MICU3: variants seen among roughly 807,000 people sequenced by gnomAD.
MICU3 encodes the protein mitochondrial calcium uptake 3, also known as calcium uptake protein 3, mitochondrial.
Under a neutral mutation model 66.5 loss-of-function variants are expected in MICU3, and 62 were observed. The ratio of observed to expected loss-of-function variants is 0.93; its 90% CI spans 0.76 to 1.15. The LOEUF is 1.15. Among genes scored for constraint, MICU3 ranks in the 50% most tolerant of loss-of-function variants. MICU3 has a pLI of 0.00. For missense variants in MICU3, 779 were observed against 664.4 expected (o/e 1.17, Z -1.90); for synonymous variants, 308 against 240.7 (o/e 1.28, Z -2.59).
chr8:17,097,660 C>T (rs548410479), intron 8 of MICU3, among the ~76,000 whole-genome samples: 1 of 151,824 alleles, frequency 6.6e-6, no homozygotes, highest in East Asian at 1.9e-4. Context: ...CTCACATTAA[C>T]CAAAAGACCA....
intron 8 of MICU3, among the ~76,000 whole-genome samples, chr8:17,091,900 A>G (rs1380899324): frequency 6.6e-6 from 1 of 151,962 alleles, no homozygotes; most frequent in Non-Finnish European, 1.5e-5. Context: ...GTTTTTTAAG[A>G]TGGAGTTTTG....
chr8:17,035,472 C>T (rs1012973651), intron 1 of MICU3, among the ~76,000 whole-genome samples: 18 of 152,118 alleles, frequency 1.2e-4, no homozygotes, highest in Non-Finnish European at 1.9e-4. Context: ...ACAGTAAAGT[C>T]CAGGCTGAGT....
At chr8:17,059,785 A>G (rs1335154797) in intron 1 of MICU3, among the ~76,000 whole-genome samples, 3 of 152,176 alleles carry the variant, frequency 2.0e-5, no homozygotes, top group Non-Finnish European at 4.4e-5. Context: ...ATCTACCAAA[A>G]AAAATTTAAA....
intron 2 of MICU3, among the ~76,000 whole-genome samples, chr8:17,067,339 C>T (rs1193731550): frequency 6.6e-6 from 1 of 151,858 alleles, no homozygotes; most frequent in Non-Finnish European, 1.5e-5. Flanking sequence ...TCTTGAAGAT[C>T]GAATGAATTA....
At chr8:17,071,933 C>T (rs1301410489) in intron 3 of MICU3, among the ~76,000 whole-genome samples, 2 of 152,088 alleles carry the variant, frequency 1.3e-5, no homozygotes, top group African/African-American at 4.8e-5. Context: ...CATGTTCATA[C>T]TGGTAATAAG....
At chr8:17,089,460 T>C (rs1295964828) in intron 7 of MICU3, among the ~76,000 whole-genome samples, 1 of 152,130 alleles carries the variant, frequency 6.6e-6, no homozygotes, top group Non-Finnish European at 1.5e-5. Context: ...TTATGTAAAA[T>C]GTAAGGTGAT....
intron 2 of MICU3, among the ~76,000 whole-genome samples, chr8:17,066,535 A>AGG (rs1818723537): frequency 8.0e-6 from 1 of 124,364 alleles, no homozygotes; most frequent in Admixed American, 8.3e-5. Flanking sequence ...ATATATATAT[A>AGG]TATATAGATT....
chr8:17,055,372 G>C (rs1250945159), intron 1 of MICU3, among the ~76,000 whole-genome samples: 1 of 152,162 alleles, frequency 6.6e-6, no homozygotes, highest in Non-Finnish European at 1.5e-5. Flanking sequence ...TTACTCTAAT[G>C]TTTTTCTTTT....
intron 1 of MICU3, among the ~76,000 whole-genome samples, chr8:17,031,319 G>A (rs952224346): frequency 5.6e-5 from 8 of 143,672 alleles, no homozygotes; most frequent in South Asian, 2.2e-4. Context: ...ACATAGCATC[G>A]CTCTATCGCT....
At chr8:17,037,817 G>A (rs894742279) in intron 1 of MICU3, among the ~76,000 whole-genome samples, 12 of 152,210 alleles carry the variant, frequency 7.9e-5, no homozygotes, top group African/African-American at 2.4e-4. Context: ...GCCCAAGGCC[G>A]TGGGAGCCTA....
chr8:17,071,567 G>T (rs1488928824), intron 3 of MICU3, among the ~76,000 whole-genome samples: 1 of 152,060 alleles, frequency 6.6e-6, no homozygotes, highest in Non-Finnish European at 1.5e-5. Context: ...ATGAATCGGG[G>T]AGAGGGGCAC....
chr8:17,089,657 A>G (rs1401541758), intron 7 of MICU3, among the ~76,000 whole-genome samples: 1 of 152,038 alleles, frequency 6.6e-6, no homozygotes, highest in Non-Finnish European at 1.5e-5. Flanking sequence ...CATTACCTGG[A>G]TGACCTTGGA....
chr8:17,061,457 G>C (rs550065513), intron 1 of MICU3, among the ~76,000 whole-genome samples: 1 of 152,294 alleles, frequency 6.6e-6, no homozygotes, highest in Non-Finnish European at 1.5e-5. Flanking sequence ...TATGCTTAAG[G>C]AAAGAAAGTT....
intron 1 of MICU3, among the ~76,000 whole-genome samples, chr8:17,038,100 G>A (rs1327559150): frequency 6.6e-6 from 1 of 152,122 alleles, no homozygotes; most frequent in Non-Finnish European, 1.5e-5. Context: ...GTGGACTTTT[G>A]ACTTAATACT....
intron 2 of MICU3, among the ~76,000 whole-genome samples, chr8:17,064,613 A>T (rs1453688552): frequency 6.6e-6 from 1 of 152,158 alleles, no homozygotes; most frequent in Non-Finnish European, 1.5e-5. Context: ...TAGCTCCTGC[A>T]GTGTAAATAT....
At chr8:17,062,958 T>G (rs73194718) in intron 1 of MICU3, among the ~76,000 whole-genome samples, 24,733 of 152,086 alleles carry the variant, frequency 0.16, 2,361 homozygotes, top group Admixed American at 0.24. Context: ...TATACCATTG[T>G]TTTGTAATAG....
intron 14 of MICU3, among the ~76,000 whole-genome samples, chr8:17,119,459 TTTA>T (rs1265503265): frequency 6.6e-6 from 1 of 152,028 alleles, no homozygotes; most frequent in Non-Finnish European, 1.5e-5. Context: ...CAATGGAGAT[TTTA>T]TTGTTGGTTT....
chr8:17,048,777 G>A (rs1815544079), intron 1 of MICU3, among the ~76,000 whole-genome samples: 1 of 151,850 alleles, frequency 6.6e-6, no homozygotes, highest in African/African-American at 2.4e-5. Flanking sequence ...ACCACACCCA[G>A]CTGATACATT....
At chr8:17,085,364 T>A in intron 6 of MICU3, 46 bp downstream of exon 6, 1 of 1,253,092 alleles carries the variant, frequency 8.0e-7, no homozygotes, top group Non-Finnish European at 1.2e-6. Context: ...AAATATTGCT[T>A]ACTTATATTT....
Sources: gnomAD v4.1 joint callset for allele counts (sites outside exome capture counted in the v4.1 genomes callset) on GRCh38, gnomAD v4.1.1 for gene constraint, MANE v1.5 for transcripts, NCBI Gene and HGNC (gene_info 2026-07-23, HGNC 2026-07-21) for gene names.